CDK6: variants seen among roughly 807,000 people sequenced by gnomAD.
CDK6 encodes cyclin dependent kinase 6.
A neutral mutation model predicts 37.1 loss-of-function variants in CDK6; 6 were observed. That is an observed-to-expected ratio of 0.16 (90% CI 0.09 to 0.32). CDK6 has a LOEUF of 0.32. Ranked by LOEUF, CDK6 falls within the 10% of genes least tolerant of loss-of-function variation. The pLI is 1.00. For synonymous variants in CDK6, 160 were observed against 161.3 expected (o/e 0.99, Z 0.06); for missense variants, 224 against 418.9 (o/e 0.53, Z 4.06).
intron 2 of CDK6, among the ~76,000 whole-genome samples, chr7:92,789,802 A>T (rs963633535): frequency 3.0e-4 from 45 of 152,212 alleles, no homozygotes; most frequent in African/African-American, 1.0e-3. Context: ...CATTTTACAG[A>T]TGAAGAAGCT....
intron 5 of CDK6, among the ~76,000 whole-genome samples, chr7:92,640,268 G>T (rs1363899147): frequency 6.6e-6 from 1 of 152,186 alleles, no homozygotes; most frequent in Non-Finnish European, 1.5e-5. Context: ...ATGGAAGGGG[G>T]CCCTCATGGA....
Position 92,609,992 on chromosome 7 carries a change from G to C in CDK6, c.*5148C>G. On this transcript the variant is annotated 3_prime_UTR_variant, in exon 8 of 8. Transcript: ENST00000424848. ...AATCATCCCAAAAAACAAGTGCTAG[G>C]AAAGAGTTAAATATGCGCAGAAAAA... is the stretch of plus-strand genomic sequence containing the variant. 1 of 229,966 alleles carries C rather than the reference G, an allele frequency of 4.3e-6. No homozygotes were observed. Among genetic ancestry groups the C allele is most frequent in the Non-Finnish European group, 8.6e-6 (1 of 116,078 alleles). 14.2% of individuals were successfully genotyped at this position (229,966 alleles called of 1,614,324 possible).
intron 2 of CDK6, among the ~76,000 whole-genome samples, chr7:92,786,829 C>T (rs1015113475): frequency 5.3e-5 from 8 of 151,442 alleles, no homozygotes; most frequent in African/African-American, 1.7e-4. Context: ...TTTAAAAATG[C>T]AAGTTTCAAA....
At chr7:92,802,780 G>A (rs968411998) in intron 2 of CDK6, among the ~76,000 whole-genome samples, 6 of 152,120 alleles carry the variant, frequency 3.9e-5, no homozygotes, top group Admixed American at 3.9e-4. Flanking sequence ...CTCAACCATG[G>A]AGCTATTGAT....
chr7:92,725,887 G>T, intron 3 of CDK6, 94 bp from the exon 4 acceptor site: 1 of 1,123,688 alleles, frequency 8.9e-7, no homozygotes, highest in Non-Finnish European at 1.3e-6. Flanking sequence ...TTTTGTGGCT[G>T]CTTGGCATGC....
At chr7:92,684,739 C>CA (rs1404116151) in intron 4 of CDK6, among the ~76,000 whole-genome samples, 1 of 151,754 alleles carries the variant, frequency 6.6e-6, no homozygotes, top group Non-Finnish European at 1.5e-5. Flanking sequence ...TTCTTGTTTA[C>CA]AAAAAAACAA....
intron 4 of CDK6, among the ~76,000 whole-genome samples, chr7:92,688,581 TCACACACACACACA>T (rs35953301): frequency 2.0e-3 from 257 of 127,576 alleles, no homozygotes; most frequent in Middle Eastern, 4.1e-3. Flanking sequence ...TACATATACA[TCACACACACACACA>T]CACACACACA....
intron 3 of CDK6, among the ~76,000 whole-genome samples, chr7:92,749,275 A>G (rs972622802): frequency 6.6e-6 from 1 of 151,888 alleles, no homozygotes; most frequent in Non-Finnish European, 1.5e-5. Flanking sequence ...AGGAGTTTGA[A>G]ATTAGCCTGG....
chr7:92,761,516 G>C (rs1372381137), intron 3 of CDK6, among the ~76,000 whole-genome samples: 1 of 152,124 alleles, frequency 6.6e-6, no homozygotes, highest in Non-Finnish European at 1.5e-5. Context: ...CCTCTGAACA[G>C]TATCTCCATT....
intron 4 of CDK6, among the ~76,000 whole-genome samples, chr7:92,690,758 T>C (rs1055364589): frequency 6.6e-6 from 1 of 152,146 alleles, no homozygotes; most frequent in Admixed American, 6.5e-5. Flanking sequence ...ATGCATGTAA[T>C]TTAGTAAGAA....
chr7:92,823,559 T>C (rs1309584694), intron 2 of CDK6, among the ~76,000 whole-genome samples: 2 of 151,794 alleles, frequency 1.3e-5, no homozygotes, highest in African/African-American at 4.8e-5. Context: ...TGGGAGTCCC[T>C]TCTAGCCCCA....
chr7:92,613,118 C>T lies in CDK6; in HGVS notation c.*2022G>A. On this transcript the variant is annotated 3_prime_UTR_variant, in exon 8 of 8. Transcript: ENST00000424848. ...TTATCTTGCTCTAGAAAACAATGTT[C>T]CTGTTCCTCAAGCTACTGAATTAGA... 4.3e-6 allele frequency: 1 copy of T among 233,082 alleles called. No homozygotes were observed. The allele number at this position is 233,082 out of a possible 1,614,324, so 14.4% of individuals were successfully genotyped here. A position where few individuals can be genotyped will look rare whatever the true frequency, so the allele number is the denominator to read the frequency against.
intron 4 of CDK6, among the ~76,000 whole-genome samples, chr7:92,673,968 CG>C (rs924702116): frequency 3.2e-4 from 48 of 151,864 alleles, no homozygotes; most frequent in Admixed American, 1.5e-3. Flanking sequence ...TTAGTAGAGA[CG>C]GGGTTTCACC....
At chr7:92,622,911 T>C (rs930527064) in intron 6 of CDK6, 125 bp downstream of exon 6, 28 of 646,830 alleles carry the variant, frequency 4.3e-5, no homozygotes, top group Middle Eastern at 5.1e-4. Context: ...ATAGTAACAC[T>C]GTCTGCAGCA....
At position 92,795,151 on chromosome 7, in the gene CDK6, T is replaced by C. The variant is rs544637708; in HGVS notation, c.234-20320A>G. On this transcript the variant is annotated intron_variant, in intron 2 of 7. Transcript: ENST00000424848. ...TAAAGAGCAAGTCTCTGAAAAGTTA[T>C]TGTCGTTTTTCCCCTCATGCTTTCT... Among the ~76,000 whole-genome samples the C allele has an allele frequency of 9.9e-5, 15 of 152,270 alleles. No individual in the cohort carries two copies. The South Asian group carries it at 2.9e-3, about 29-fold the overall frequency.
At chr7:92,720,072 A>G (rs1318511051) in intron 4 of CDK6, among the ~76,000 whole-genome samples, 2 of 152,212 alleles carry the variant, frequency 1.3e-5, no homozygotes, top group African/African-American at 4.8e-5. Context: ...CAATGTGGCA[A>G]AAGTTTTATT....
chr7:92,689,807 C>A (rs997597523), intron 4 of CDK6, among the ~76,000 whole-genome samples: 1 of 152,086 alleles, frequency 6.6e-6, no homozygotes, highest in East Asian at 1.9e-4. Context: ...TTATTTTTGA[C>A]TTTTTAATAA....
Position 92,608,546 on chromosome 7 carries a change from TA to T in CDK6, c.*6593del. On this transcript the variant is annotated 3_prime_UTR_variant, in exon 8 of 8. Coordinates refer to ENST00000424848, the MANE Select transcript of CDK6 (RefSeq NM_001145306.2). ...TTCCTGCAATTATACATCTTTTCTTTAAAAAAACAAAAACAAAAACAAAAAC... is the reference window on the plus strand; with the variant it reads ...TTCCTGCAATTATACATCTTTTCTTTAAAAAACAAAAACAAAAACAAAAAC... The T allele has an allele frequency of 4.3e-6, 1 of 231,916 alleles. No individual in the cohort carries two copies. The highest frequency in any genetic ancestry group is 6.1e-5 in the East Asian group (1 of 16,412). 14.4% of individuals were successfully genotyped at this position (231,916 alleles called of 1,614,324 possible).
intron 2 of CDK6, among the ~76,000 whole-genome samples, chr7:92,802,345 T>C (rs551512520): frequency 6.6e-6 from 1 of 152,266 alleles, no homozygotes; most frequent in Admixed American, 6.5e-5. Flanking sequence ...TGGAAGGAGG[T>C]AGATTTCATT....
Sources: gnomAD v4.1 joint callset for allele counts (sites outside exome capture counted in the v4.1 genomes callset) on GRCh38, gnomAD v4.1.1 for gene constraint, MANE v1.5 for transcripts, NCBI Gene and HGNC (gene_info 2026-07-23, HGNC 2026-07-21) for gene names.